KIF15: variants seen among roughly 807,000 people sequenced by gnomAD.
The protein encoded by KIF15 is kinesin family member 15.
Under a neutral mutation model 190.6 loss-of-function variants are expected in KIF15, and 140 were observed. The observed-to-expected ratio is 0.73, with a 90% CI of 0.64 to 0.84. KIF15 has a LOEUF of 0.84. Among genes scored for constraint, KIF15 ranks in the 40% least tolerant of loss-of-function variants. The pLI is 0.00. For synonymous variants in KIF15, 528 were observed against 551.3 expected (o/e 0.96, Z 0.59); for missense variants, 1,372 against 1,584.4 (o/e 0.87, Z 2.28).
rs187364365 is a variant in KIF15 at position 44,867,556 on chromosome 3, C to T, written c.*60-5773C>T. 1.5e-3 allele frequency among the ~76,000 whole-genome samples: 231 copies of T among 152,330 alleles called. 1 individual carries two copies. The highest frequency in any genetic ancestry group is 5.0e-3 in the African/African-American group (207 of 41,582). On this transcript the variant is annotated intron_variant and NMD_transcript_variant, in intron 6 of 6. Transcript: ENST00000422209. ...TGGAGCAAGCATTGTCCTGAGAGGACCTGGCCTCCCATCCAGACACTTGCT... is the reference window on the plus strand; with the variant it reads ...TGGAGCAAGCATTGTCCTGAGAGGATCTGGCCTCCCATCCAGACACTTGCT...
chr3:44,865,104 T>A, intron 6 of KIF15: 1 of 1,614,126 alleles, frequency 6.2e-7, no homozygotes, highest in Middle Eastern at 1.6e-4. Context: ...GGAGTGTTCC[T>A]TATTCTCTGC....
intron 6 of KIF15, among the ~76,000 whole-genome samples, chr3:44,864,818 G>T (rs983748992): frequency 6.6e-6 from 1 of 152,152 alleles, no homozygotes; most frequent in African/African-American, 2.4e-5. Flanking sequence ...TCTTTCTTGT[G>T]TACTTTGCTG....
chr3:44,793,882 CTT>C (rs557589917), intron 7 of KIF15, among the ~76,000 whole-genome samples: 58 of 132,258 alleles, frequency 4.4e-4, no homozygotes, highest in Non-Finnish European at 4.9e-4. Flanking sequence ...TTCTCTTTTC[CTT>C]TTTTTTTTTT....
chr3:44,821,069 G>T (rs1177578416), intron 20 of KIF15, among the ~76,000 whole-genome samples: 2 of 146,138 alleles, frequency 1.4e-5, no homozygotes, highest in African/African-American at 5.2e-5. Flanking sequence ...GCGGCAGGCC[G>T]GGTGGCGGGC....
intron 28 of KIF15, among the ~76,000 whole-genome samples, chr3:44,840,698 TTGCTCTGTCA>T: frequency 7.4e-6 from 1 of 134,858 alleles, no homozygotes; most frequent in Non-Finnish European, 1.7e-5. Context: ...AGATGGAGTC[TTGCTCTGTCA>T]CCCAGGCTGG....
In KIF15 at chr3:44,761,856, T is replaced by G. The variant is rs1575563086; in HGVS notation, c.-10T>G. 6.2e-7 allele frequency: 1 copy of G among 1,614,106 alleles called. No individual in the cohort carries two copies. The highest frequency in any genetic ancestry group is 8.5e-7 in the Non-Finnish European group (1 of 1,180,004). On this transcript the variant is annotated 5_prime_UTR_variant, in exon 1 of 35. Coordinates refer to ENST00000326047, the MANE Select transcript of KIF15 (RefSeq NM_020242.3). ...CTGCATTGTTTTCGGGATCGAGGGG[T>G]GAGGGCGCTATGGCACCCGGCTGCA...
intron 1 of KIF15, among the ~76,000 whole-genome samples, chr3:44,766,238 A>C (rs1449505913): frequency 6.6e-6 from 1 of 152,190 alleles, no homozygotes. Context: ...TTTAGGCAAA[A>C]TCTCAGAGCC....
chr3:44,780,090 A>T (rs6775209), intron 4 of KIF15, among the ~76,000 whole-genome samples: 295 of 130,778 alleles, frequency 2.3e-3, no homozygotes, highest in African/African-American at 4.8e-3. Context: ...TTTTTTTTTT[A>T]AAAGAGATGG....
chr3:44,794,244 C>T lies in KIF15; in HGVS notation c.667C>T (p.Arg223Cys). The change falls in exon 8 of 35, where the codon CGT (arginine) becomes TGT (cysteine). Residue 223 changes from arginine to cysteine, a missense_variant. Arg to Cys is a radical substitution (Grantham distance 180, BLOSUM62 -3). Coordinates refer to ENST00000326047, the MANE Select transcript of KIF15 (RefSeq NM_020242.3). ...QVLSGGWRNR[R>C]VASTSMNRES... ...GTTGTCTGGAGGATGGAGGAATAGA[C>T]GTGTGGCATCAACATCAATGAACAG... 5 of 1,613,630 alleles carry T rather than the reference C, an allele frequency of 3.1e-6. No homozygotes were observed. Among genetic ancestry groups the T allele is most frequent in the African/African-American group, 1.3e-5 (1 of 75,012 alleles).
chr3:44,775,111 A>T, intron 2 of KIF15, 143 bp from the exon 3 acceptor site: 1 of 638,464 alleles, frequency 1.6e-6, no homozygotes. Flanking sequence ...AAAAAAAAAA[A>T]GAGGTAAATT....
At chr3:44,801,206 G>A (rs942089501) in intron 11 of KIF15, among the ~76,000 whole-genome samples, 5 of 145,808 alleles carry the variant, frequency 3.4e-5, no homozygotes, top group East Asian at 2.0e-4. Context: ...GATCGGGGGC[G>A]GCGGGAGGGG....
chr3:44,797,886 G>T lies in KIF15; in HGVS notation c.1028G>T (p.Gly343Val). The T allele has an allele frequency of 6.2e-7, 1 of 1,613,912 alleles. No homozygotes were observed. The highest frequency in any genetic ancestry group is 8.5e-7 in the Non-Finnish European group (1 of 1,179,916). Residue 343 changes from glycine to valine, a missense_variant, in exon 10 of 35, where the codon GGA becomes GTA. Gly to Val is a moderately radical substitution (Grantham distance 109, BLOSUM62 -3). Transcript: ENST00000326047. ...GCCATAATTGCAAATGTTCATCCTG[G>T]ATCCAGGTGTTTTGGGGAAACCCTA... is the stretch of plus-strand genomic sequence containing the variant. ...KTAIIANVHP[G>V]SRCFGETLST... is the part of the protein sequence containing the mutation.
At chr3:44,821,405 G>C (rs536016564) in intron 20 of KIF15, among the ~76,000 whole-genome samples, 176 of 135,410 alleles carry the variant, frequency 1.3e-3, no homozygotes, top group African/African-American at 4.5e-3. Context: ...TCACTTCTCA[G>C]ACGGGGCGGT....
chr3:44,841,542 C>T (rs145503532), intron 29 of KIF15, among the ~76,000 whole-genome samples: 1,556 of 151,870 alleles, frequency 0.01, 21 homozygotes, highest in African/African-American at 0.033. Flanking sequence ...GGACTACAGG[C>T]GCCCGCCACC....
intron 12 of KIF15, 43 bp downstream of exon 12, chr3:44,801,569 G>GT: frequency 7.7e-7 from 1 of 1,297,048 alleles, no homozygotes; most frequent in Non-Finnish European, 1.1e-6. Flanking sequence ...AAGATAGTTA[G>GT]TTTTTTGCTG....
At chr3:44,771,336 A>G (rs868683330) in intron 1 of KIF15, among the ~76,000 whole-genome samples, 1 of 152,316 alleles carries the variant, frequency 6.6e-6, no homozygotes, top group Middle Eastern at 3.4e-3. Flanking sequence ...TTCCATTTTT[A>G]TGGCCAGACA....
intron 20 of KIF15, among the ~76,000 whole-genome samples, chr3:44,822,427 G>T (rs1181881437): frequency 1.3e-5 from 2 of 152,118 alleles, no homozygotes; most frequent in African/African-American, 4.8e-5. Context: ...CACTCTGGCT[G>T]CCCTTAACAT....
chr3:44,824,490 A>T (rs73076581), intron 20 of KIF15, among the ~76,000 whole-genome samples: 1,747 of 152,244 alleles, frequency 0.011, 20 homozygotes, highest in Non-Finnish European at 0.016. Context: ...GTTAAACAAA[A>T]TAGGTAATTT....
intron 20 of KIF15, among the ~76,000 whole-genome samples, chr3:44,815,286 C>CT (rs1264070230): frequency 2.0e-5 from 3 of 152,200 alleles, no homozygotes; most frequent in African/African-American, 7.2e-5. Flanking sequence ...TTCTATCTCT[C>CT]TCAGCTATGC....
Sources: gnomAD v4.1 joint callset for allele counts (sites outside exome capture counted in the v4.1 genomes callset) on GRCh38, gnomAD v4.1.1 for gene constraint, MANE v1.5 for transcripts, NCBI Gene and HGNC (gene_info 2026-07-23, HGNC 2026-07-21) for gene names.